KIAA1549L: variants seen among roughly 807,000 people sequenced by gnomAD.
KIAA1549L encodes the protein UPF0606 protein KIAA1549L.
KIAA1549L carries 88 observed loss-of-function variants against 160.7 expected under a neutral mutation model. The observed-to-expected ratio is 0.55, with a 90% CI of 0.46 to 0.65. The LOEUF (loss-of-function observed/expected upper bound fraction) is 0.65. Among genes scored for constraint, KIAA1549L ranks in the 30% least tolerant of loss-of-function variants. The pLI, the probability that KIAA1549L is intolerant of heterozygous loss-of-function variation, is 0.00. For missense variants in KIAA1549L, 2,258 were observed against 2,437.5 expected (o/e 0.93, Z 1.55); for synonymous variants, 950 against 976.7 (o/e 0.97, Z 0.51).
chr11:33,447,076 T>A (rs1247327549), intron 1 of KIAA1549L, among the ~76,000 whole-genome samples: 1 of 152,200 alleles, frequency 6.6e-6, no homozygotes, highest in East Asian at 1.9e-4. Context: ...GATCTTCTTG[T>A]GGCAGCACAG....
At chr11:33,619,689 C>A (rs1424968633) in intron 16 of KIAA1549L, among the ~76,000 whole-genome samples, 1 of 152,104 alleles carries the variant, frequency 6.6e-6, no homozygotes, top group African/African-American at 2.4e-5. Context: ...TAGTGTTACC[C>A]TTATCTTTTG....
rs1451822776 is a variant in KIAA1549L at position 33,672,041 on chromosome 11, C to T, written c.*3887C>T. The T allele has an allele frequency of 2.0e-5, 3 of 152,246 alleles. No homozygotes were observed. Among genetic ancestry groups the T allele is most frequent in the African/African-American group, 7.2e-5 (3 of 41,452 alleles). The allele number at this position is 152,246 out of a possible 1,614,324, so 9.4% of individuals were successfully genotyped here. On this transcript the variant is annotated 3_prime_UTR_variant, in exon 21 of 21. Coordinates refer to ENST00000658780, the MANE Select transcript of KIAA1549L (RefSeq NM_012194.3). ...GTTTTGCAAGGACTAGAAACCCTTTCACACTTGAAGTGCAGGTGTTGGCTG... is the reference window on the plus strand; with the variant it reads ...GTTTTGCAAGGACTAGAAACCCTTTTACACTTGAAGTGCAGGTGTTGGCTG...
At chr11:33,391,889 G>A (rs1355833376) in intron 1 of KIAA1549L, among the ~76,000 whole-genome samples, 1 of 152,172 alleles carries the variant, frequency 6.6e-6, no homozygotes, top group Admixed American at 6.5e-5. Flanking sequence ...ATTTTTACAA[G>A]ATTCTTCTTT....
At chr11:33,380,733 T>C (rs566017005) in intron 1 of KIAA1549L, among the ~76,000 whole-genome samples, 1 of 152,106 alleles carries the variant, frequency 6.6e-6, no homozygotes, top group Non-Finnish European at 1.5e-5. Flanking sequence ...ACCACTGCAT[T>C]GGGCGCATAT....
chr11:33,418,885 C>CTT (rs60307209), intron 1 of KIAA1549L, among the ~76,000 whole-genome samples: 19,193 of 139,482 alleles, frequency 0.14, 1,442 homozygotes, highest in African/African-American at 0.19. Context: ...GCATTCCTAG[C>CTT]TTTTTTTTTT....
intron 4 of KIAA1549L, among the ~76,000 whole-genome samples, chr11:33,548,619 G>A (rs959643248): frequency 1.3e-5 from 2 of 152,100 alleles, no homozygotes; most frequent in African/African-American, 2.4e-5. Context: ...TGCTTAAATT[G>A]CCCACTGCAG....
rs138553648 is a variant in KIAA1549L at position 33,399,579 on chromosome 11, C to T, written c.238+22690C>T. Among the ~76,000 whole-genome samples the T allele has an allele frequency of 4.6e-5, 7 of 152,322 alleles. No individual in the cohort carries two copies. In the East Asian group the frequency reaches 1.3e-3, roughly 29 times the overall value. Reference sequence around the variant, plus strand: ...TCACCTCCTACACAGAGGCATCTCCCATGGTGGAATGTCATCCAAAGGGCC... The same window carrying T: ...TCACCTCCTACACAGAGGCATCTCCTATGGTGGAATGTCATCCAAAGGGCC... On this transcript the variant is annotated intron_variant, in intron 1 of 20. Coordinates refer to ENST00000658780, the MANE Select transcript of KIAA1549L (RefSeq NM_012194.3).
intron 16 of KIAA1549L, among the ~76,000 whole-genome samples, chr11:33,627,312 G>C (rs1202414145): frequency 1.3e-5 from 2 of 149,804 alleles, no homozygotes; most frequent in Non-Finnish European, 3.0e-5. Flanking sequence ...CTATTGATTG[G>C]AATAGTTTCA....
At chr11:33,592,441 C>T (rs544231705) in intron 12 of KIAA1549L, among the ~76,000 whole-genome samples, 6 of 152,302 alleles carry the variant, frequency 3.9e-5, no homozygotes, top group South Asian at 2.1e-4. Flanking sequence ...TGGCAAGCCG[C>T]GTTGGCTGGC....
intron 1 of KIAA1549L, among the ~76,000 whole-genome samples, chr11:33,384,759 A>G (rs899800551): frequency 1.3e-5 from 2 of 152,014 alleles, no homozygotes; most frequent in African/African-American, 4.8e-5. Flanking sequence ...CTATATCTCT[A>G]CTTTGAAGTC....
Position 33,669,185 on chromosome 11 carries a change from C to A in KIAA1549L, c.*1031C>A, listed in dbSNP as rs1020867500. 2 of 152,196 alleles carry A rather than the reference C, an allele frequency of 1.3e-5. No homozygotes were observed. The highest frequency in any genetic ancestry group is 6.5e-5 in the Admixed American group (1 of 15,284). The allele number at this position is 152,196 out of a possible 1,614,324, so 9.4% of individuals were successfully genotyped here. On this transcript the variant is annotated 3_prime_UTR_variant, in exon 21 of 21. Coordinates refer to ENST00000658780, the MANE Select transcript of KIAA1549L (RefSeq NM_012194.3). Reference sequence around the variant, plus strand: ...CCGCAGCCTCTGTTTATAGAAGCTTCTGAATGTAGAAAAGCTGTTGAATTT... The same window carrying A: ...CCGCAGCCTCTGTTTATAGAAGCTTATGAATGTAGAAAAGCTGTTGAATTT...
chr11:33,435,800 ATATATATATATGTG>A (rs1851355481), intron 1 of KIAA1549L, among the ~76,000 whole-genome samples: 2 of 12,880 alleles, frequency 1.6e-4, no homozygotes, highest in Non-Finnish European at 2.7e-4. Context: ...ATATATATAT[ATATATATATATGTG>A]TGTGTATATA....
intron 16 of KIAA1549L, among the ~76,000 whole-genome samples, chr11:33,625,045 G>A (rs531974937): frequency 3.9e-4 from 60 of 151,910 alleles, no homozygotes; most frequent in Middle Eastern, 3.4e-3. Context: ...TACTAAGAAT[G>A]ATGATTTCCA....
chr11:33,561,804 C>A, intron 8 of KIAA1549L, 69 bp downstream of exon 8: 1 of 1,135,038 alleles, frequency 8.8e-7, no homozygotes, highest in Non-Finnish European at 1.3e-6. Context: ...AAACTGTAGG[C>A]CATTCATTAA....
At chr11:33,618,036 A>G (rs982804126) in intron 15 of KIAA1549L, among the ~76,000 whole-genome samples, 1 of 152,234 alleles carries the variant, frequency 6.6e-6, no homozygotes, top group Admixed American at 6.5e-5. Context: ...CTACTGTGGT[A>G]ATAGCAGAAA....
chr11:33,628,176 A>G (rs1314103802), intron 16 of KIAA1549L, among the ~76,000 whole-genome samples: 1 of 151,990 alleles, frequency 6.6e-6, no homozygotes, highest in Non-Finnish European at 1.5e-5. Flanking sequence ...CTGTTCTTTT[A>G]CATTTGCTGA....
chr11:33,471,913 C>A (rs1325101849), intron 1 of KIAA1549L, among the ~76,000 whole-genome samples: 1 of 152,186 alleles, frequency 6.6e-6, no homozygotes, highest in Non-Finnish European at 1.5e-5. Context: ...TGGAAGTAAG[C>A]AGACAATGGC....
At chr11:33,474,852 A>G (rs542549043) in intron 1 of KIAA1549L, among the ~76,000 whole-genome samples, 14 of 152,352 alleles carry the variant, frequency 9.2e-5, no homozygotes, top group African/African-American at 3.1e-4. Flanking sequence ...TGTCATCTTC[A>G]TAAACACTCC....
chr11:33,557,074 G>A (rs952155848), intron 6 of KIAA1549L, among the ~76,000 whole-genome samples: 1 of 152,052 alleles, frequency 6.6e-6, no homozygotes, highest in African/African-American at 2.4e-5. Flanking sequence ...TGCAGCCTCG[G>A]ACTCCTGGGC....
Sources: gnomAD v4.1 joint callset for allele counts (sites outside exome capture counted in the v4.1 genomes callset) on GRCh38, gnomAD v4.1.1 for gene constraint, MANE v1.5 for transcripts, NCBI Gene and HGNC (gene_info 2026-07-23, HGNC 2026-07-21) for gene names.